The following CCDC148 variants were observed in gnomAD, a reference collection of about 807,000 sequenced individuals.
The protein encoded by CCDC148 is coiled-coil domain containing 148.
In CCDC148, 89 loss-of-function variants were observed where a neutral mutation model predicts 85.7. The ratio of observed to expected loss-of-function variants is 1.04; its 90% CI spans 0.87 to 1.24. The LOEUF (loss-of-function observed/expected upper bound fraction) is 1.24. Ranked by LOEUF, CCDC148 falls within the 50% of genes most tolerant of loss-of-function variation. The pLI, the probability that CCDC148 is intolerant of heterozygous loss-of-function variation, is 0.00. For missense variants in CCDC148, 692 were observed against 671.7 expected, an observed-to-expected ratio of 1.03 and a Z score of -0.33; for synonymous variants, 230 against 213.9, an observed-to-expected ratio of 1.08 and a Z score of -0.66.
intron 11 of CCDC148, among the ~76,000 whole-genome samples, chr2:158,188,551 C>A (rs541665237): frequency 6.6e-6 from 1 of 151,812 alleles, no homozygotes; most frequent in South Asian, 2.1e-4. Context: ...TGCAGAAGAA[C>A]AAAACTGGAC....
intron 11 of CCDC148, among the ~76,000 whole-genome samples, chr2:158,201,807 G>A (rs1685978869): frequency 1.3e-5 from 2 of 152,206 alleles, no homozygotes; most frequent in South Asian, 4.1e-4. Context: ...TATGACAATT[G>A]GGGAAATTTG....
At chr2:158,396,700 G>A (rs576677195) in intron 1 of CCDC148, among the ~76,000 whole-genome samples, 1 of 152,008 alleles carries the variant, frequency 6.6e-6, no homozygotes, top group Non-Finnish European at 1.5e-5. Flanking sequence ...TCATTGGAAG[G>A]TTTAAATCAT....
intron 10 of CCDC148, among the ~76,000 whole-genome samples, chr2:158,237,720 AT>A (rs2105318407): frequency 6.6e-6 from 1 of 152,314 alleles, no homozygotes; most frequent in African/African-American, 2.4e-5. Context: ...ATGAATTGGT[AT>A]TAGGAAATAA....
chr2:158,211,495 C>G (rs1686575706), intron 11 of CCDC148, among the ~76,000 whole-genome samples: 1 of 152,174 alleles, frequency 6.6e-6, no homozygotes, highest in African/African-American at 2.4e-5. Context: ...AGACACATAC[C>G]TGCTGACATT....
At chr2:158,232,437 A>G (rs1433989472) in intron 10 of CCDC148, among the ~76,000 whole-genome samples, 1 of 152,144 alleles carries the variant, frequency 6.6e-6, no homozygotes, top group Non-Finnish European at 1.5e-5. Context: ...CAGAACATTT[A>G]TAATATTAGA....
Position 158,268,053 on chromosome 2 carries a change from C to T in CCDC148, c.1111-17141G>A, listed in dbSNP as rs76006632. 7.4e-3 allele frequency among the ~76,000 whole-genome samples: 1,131 copies of T among 152,322 alleles called. 20 individuals are homozygous for T. Among genetic ancestry groups the T allele is most frequent in the African/African-American group, 0.026 (1,080 of 41,576 alleles). The stretch of plus-strand genomic sequence containing the variant: ...GATGATCACAAATTAAGCTGCTACA[C>T]ACATTCATGTGCAGGTTTTGTGTGA... On this transcript the variant is annotated intron_variant, in intron 9 of 13. Coordinates refer to ENST00000283233, the MANE Select transcript of CCDC148 (RefSeq NM_138803.4).
chr2:158,446,302 T>C (rs985034838), intron 1 of CCDC148, among the ~76,000 whole-genome samples: 2 of 151,842 alleles, frequency 1.3e-5, no homozygotes, highest in Non-Finnish European at 2.9e-5. Flanking sequence ...CAGTGAACTA[T>C]GGTCACACCA....
At chr2:158,350,692 T>C (rs540002160) in intron 2 of CCDC148, among the ~76,000 whole-genome samples, 92 of 152,302 alleles carry the variant, frequency 6.0e-4, no homozygotes, top group Non-Finnish European at 2.8e-4. Flanking sequence ...GCATGCATCT[T>C]TTTCTCTTTG....
intron 9 of CCDC148, among the ~76,000 whole-genome samples, chr2:158,262,492 T>G (rs1439800749): frequency 6.6e-6 from 1 of 152,000 alleles, no homozygotes; most frequent in African/African-American, 2.4e-5. Flanking sequence ...AACCTTCACA[T>G]GTACCCCTGT....
At chr2:158,279,315 A>G (rs541495821) in intron 9 of CCDC148, among the ~76,000 whole-genome samples, 45 of 152,354 alleles carry the variant, frequency 3.0e-4, no homozygotes, top group Non-Finnish European at 4.4e-4. Context: ...AAGGCTTCAG[A>G]CGATCAAACT....
At chr2:158,226,171 G>A (rs1001864452) in intron 10 of CCDC148, among the ~76,000 whole-genome samples, 9 of 152,150 alleles carry the variant, frequency 5.9e-5, no homozygotes, top group East Asian at 1.9e-4. Flanking sequence ...AGAATACTAT[G>A]AACACCTCTA....
intron 11 of CCDC148, among the ~76,000 whole-genome samples, chr2:158,198,450 CTTTGAA>C (rs1321538168): frequency 1.3e-5 from 2 of 152,138 alleles, no homozygotes; most frequent in East Asian, 3.9e-4. Flanking sequence ...AACTCTGCAC[CTTTGAA>C]GTTGAAGTTG....
At chr2:158,334,360 T>C (rs896016373) in intron 7 of CCDC148, among the ~76,000 whole-genome samples, 4 of 152,164 alleles carry the variant, frequency 2.6e-5, no homozygotes, top group Non-Finnish European at 5.9e-5. Flanking sequence ...CAAAGACATC[T>C]GATTTTTCAG....
At chr2:158,439,750 T>G (rs1191441482) in intron 1 of CCDC148, among the ~76,000 whole-genome samples, 2 of 152,194 alleles carry the variant, frequency 1.3e-5, no homozygotes, top group African/African-American at 2.4e-5. Context: ...GATATAGTAA[T>G]GCTCAATAAG....
chr2:158,235,253 G>T (rs1688050104), intron 10 of CCDC148, among the ~76,000 whole-genome samples: 1 of 152,144 alleles, frequency 6.6e-6, no homozygotes, highest in African/African-American at 2.4e-5. Flanking sequence ...GCATGTAAAG[G>T]GCATAACTAT....
At chr2:158,351,704 C>A (rs1433077019) in intron 2 of CCDC148, among the ~76,000 whole-genome samples, 1 of 152,002 alleles carries the variant, frequency 6.6e-6, no homozygotes, top group Non-Finnish European at 1.5e-5. Context: ...CCAGGAAGCT[C>A]CAACTGGGCG....
At chr2:158,421,335 G>C (rs1437907687) in intron 1 of CCDC148, among the ~76,000 whole-genome samples, 1 of 152,142 alleles carries the variant, frequency 6.6e-6, no homozygotes, top group Non-Finnish European at 1.5e-5. Flanking sequence ...CACATTGTTG[G>C]AAGTAAAGCA....
At chr2:158,416,094 T>C (rs1424336370) in intron 1 of CCDC148, among the ~76,000 whole-genome samples, 2 of 152,224 alleles carry the variant, frequency 1.3e-5, no homozygotes, top group Non-Finnish European at 2.9e-5. Flanking sequence ...GGCTTGTGGC[T>C]TACACCCTCT....
chr2:158,438,110 A>G (rs1431372253), intron 1 of CCDC148, among the ~76,000 whole-genome samples: 1 of 152,188 alleles, frequency 6.6e-6, no homozygotes, highest in African/African-American at 2.4e-5. Context: ...TCTTCACAGA[A>G]TTGGAAAAAA....
Sources: allele counts gnomAD v4.1 joint callset (sites outside exome capture counted in the v4.1 genomes callset), GRCh38; gene constraint gnomAD v4.1.1; transcripts MANE v1.5; gene names NCBI Gene and HGNC (gene_info 2026-07-23, HGNC 2026-07-21).